IL1RAPL1: variants seen among roughly 807,000 people sequenced by gnomAD.
IL1RAPL1 encodes the protein interleukin 1 receptor accessory protein like 1, also known as interleukin-1 receptor accessory protein-like 1.
In IL1RAPL1, 3 loss-of-function variants were observed where a neutral mutation model predicts 48.4. That is an observed-to-expected ratio of 0.06 (90% CI 0.03 to 0.16). The LOEUF (loss-of-function observed/expected upper bound fraction) is 0.16. Among genes scored for constraint, IL1RAPL1 ranks in the 10% least tolerant of loss-of-function variants. The probability of loss-of-function intolerance (pLI) is 1.00; values close to 1 mark genes in which losing one functional copy is unlikely to be tolerated. For synonymous variants in IL1RAPL1, 185 were observed against 187.7 expected (o/e 0.99, Z 0.12); for missense variants, 349 against 530.6 (o/e 0.66, Z 3.36).
chrX:29,691,070 C>G (rs1029031223), intron 6 of IL1RAPL1, among the ~76,000 whole-genome samples: 7 of 111,175 alleles, frequency 6.3e-5, no homozygotes, highest in African/African-American at 2.3e-4. Context: ...CAAACCCATA[C>G]TTGGCATTTA....
chrX:28,684,701 T>C (rs953615297), intron 1 of IL1RAPL1, among the ~76,000 whole-genome samples: 1 of 111,782 alleles, frequency 8.9e-6, no homozygotes, highest in South Asian at 3.7e-4. Flanking sequence ...GGTCTTCTTC[T>C]TGAGGGTAGG....
intron 1 of IL1RAPL1, among the ~76,000 whole-genome samples, chrX:28,781,618 A>C (rs774796209): frequency 6.3e-5 from 7 of 110,915 alleles, no homozygotes; most frequent in African/African-American, 2.3e-4. Context: ...AATATAACCT[A>C]ATCATGGGCA....
chrX:28,871,020 AAAGTGAAAATAT>A (rs1382567654), intron 2 of IL1RAPL1, among the ~76,000 whole-genome samples: 3 of 111,852 alleles, frequency 2.7e-5, no homozygotes, highest in Admixed American at 9.5e-5. Context: ...TTAAGGAGAG[AAAGTGAAAATAT>A]TAATTTGTGG....
At chrX:28,968,915 T>G (rs1404819608) in intron 2 of IL1RAPL1, among the ~76,000 whole-genome samples, 1 of 112,902 alleles carries the variant, frequency 8.9e-6, no homozygotes, top group Non-Finnish European at 1.9e-5. Context: ...TATTAGGTGT[T>G]GTATACACTT....
At chrX:29,340,322 G>T (rs540430371) in intron 3 of IL1RAPL1, among the ~76,000 whole-genome samples, 4 of 110,933 alleles carry the variant, frequency 3.6e-5, no homozygotes, top group South Asian at 7.7e-4. Flanking sequence ...CATTAAGCAG[G>T]TGTGTTCCCC....
At chrX:29,387,073 A>C (rs1437802770) in intron 3 of IL1RAPL1, among the ~76,000 whole-genome samples, 1 of 111,934 alleles carries the variant, frequency 8.9e-6, no homozygotes, top group Non-Finnish European at 1.9e-5. Flanking sequence ...GGGGAAGAGG[A>C]GATGAACACG....
chrX:29,803,610 C>G (rs1930176728), intron 6 of IL1RAPL1, among the ~76,000 whole-genome samples: 1 of 99,613 alleles, frequency 1.0e-5, no homozygotes, highest in Non-Finnish European at 2.0e-5. Flanking sequence ...TATATATACA[C>G]GTGTGTATAT....
chrX:29,794,518 A>G (rs1251326094), intron 6 of IL1RAPL1, among the ~76,000 whole-genome samples: 1 of 112,076 alleles, frequency 8.9e-6, no homozygotes, highest in African/African-American at 3.2e-5. Flanking sequence ...AGCAAGCCTG[A>G]GATTAAATAG....
intron 1 of IL1RAPL1, among the ~76,000 whole-genome samples, chrX:28,740,496 T>C (rs975445725): frequency 8.9e-6 from 1 of 111,869 alleles, no homozygotes; most frequent in Admixed American, 9.5e-5. Context: ...GTCATAAATT[T>C]ATTTTTTTTC....
intron 6 of IL1RAPL1, among the ~76,000 whole-genome samples, chrX:29,746,213 A>T (rs1928332921): frequency 8.9e-6 from 1 of 111,996 alleles, no homozygotes; most frequent in African/African-American, 3.2e-5. Flanking sequence ...TCTATTCTTC[A>T]AACTCTAATA....
At chrX:29,363,252 A>G (rs1394362204) in intron 3 of IL1RAPL1, among the ~76,000 whole-genome samples, 2 of 112,138 alleles carry the variant, frequency 1.8e-5, no homozygotes, top group Middle Eastern at 9.2e-3. Flanking sequence ...TTAAGTATAG[A>G]GTTTCAGTAG....
chrX:29,651,806 T>C (rs890669115), intron 5 of IL1RAPL1, among the ~76,000 whole-genome samples: 1 of 111,775 alleles, frequency 8.9e-6, no homozygotes, highest in African/African-American at 3.2e-5. Flanking sequence ...CTACGTGAGG[T>C]AATGCACTTG....
At chrX:28,969,995 A>ATGTTTCTAAACACATATATG (rs1925028264) in intron 2 of IL1RAPL1, among the ~76,000 whole-genome samples, 4 of 111,218 alleles carry the variant, frequency 3.6e-5, no homozygotes, top group South Asian at 7.6e-4. Flanking sequence ...ACACATATAT[A>ATGTTTCTAAACACATATATG]TGTTTAGAAA....
At chrX:29,449,415 G>A (rs1282821955) in intron 5 of IL1RAPL1, among the ~76,000 whole-genome samples, 1 of 110,589 alleles carries the variant, frequency 9.0e-6, no homozygotes, top group Non-Finnish European at 1.9e-5. Flanking sequence ...GAGAGCATAA[G>A]CAATAATAAC....
chrX:29,447,178 A>G (rs1934622080), intron 5 of IL1RAPL1, among the ~76,000 whole-genome samples: 1 of 111,062 alleles, frequency 9.0e-6, no homozygotes, highest in African/African-American at 3.3e-5. Context: ...ATGCATTTTT[A>G]TTATGCCAGT....
intron 2 of IL1RAPL1, among the ~76,000 whole-genome samples, chrX:28,903,038 C>T (rs748105182): frequency 1.8e-5 from 2 of 112,156 alleles, no homozygotes; most frequent in Admixed American, 1.9e-4. Context: ...GGGCCACTGG[C>T]TTAACCTTTA....
intron 2 of IL1RAPL1, among the ~76,000 whole-genome samples, chrX:29,107,674 G>A (rs1569238330): frequency 8.9e-6 from 1 of 111,756 alleles, no homozygotes; most frequent in Non-Finnish European, 1.9e-5. Flanking sequence ...ACAGAAGGAA[G>A]GTTCTTCCTA....
chrX:29,477,006 G>A (rs1934984359), intron 5 of IL1RAPL1, among the ~76,000 whole-genome samples: 1 of 103,856 alleles, frequency 9.6e-6, no homozygotes, highest in Admixed American at 1.0e-4. Context: ...TCAGCCTCCC[G>A]AGTAGCTGGG....
intron 5 of IL1RAPL1, among the ~76,000 whole-genome samples, chrX:29,555,737 G>T (rs1317029654): frequency 8.9e-6 from 1 of 111,985 alleles, no homozygotes; most frequent in African/African-American, 3.2e-5. Flanking sequence ...CACGTAATTT[G>T]TATTTGGTGT....
Sources: gnomAD v4.1 joint callset for allele counts (sites outside exome capture counted in the v4.1 genomes callset) on GRCh38, gnomAD v4.1.1 for gene constraint, MANE v1.5 for transcripts, NCBI Gene and HGNC (gene_info 2026-07-23, HGNC 2026-07-21) for gene names.